The following SAMD8 variants were observed in gnomAD, a reference collection of about 807,000 sequenced individuals.
SAMD8 encodes sphingomyelin synthase-related protein 1.
A neutral mutation model predicts 42.0 loss-of-function variants in SAMD8; 20 were observed. The observed-to-expected ratio is 0.48, with a 90% confidence interval of 0.34 to 0.69. The LOEUF (loss-of-function observed/expected upper bound fraction) is 0.69. Among genes scored for constraint, SAMD8 ranks in the 30% least tolerant of loss-of-function variants. SAMD8 has a pLI of 0.01. For synonymous variants in SAMD8, 162 were observed against 173.0 expected (o/e 0.94, Z 0.50); for missense variants, 328 against 511.6 (o/e 0.64, Z 3.46).
chr10:75,129,091 C>T (rs1218861447), intron 1 of SAMD8, among the ~76,000 whole-genome samples: 3 of 150,684 alleles, frequency 2.0e-5, no homozygotes, highest in African/African-American at 7.3e-5. Flanking sequence ...TCTTCTAATT[C>T]TAAAGATATT....
At chr10:75,161,451 A>G (rs762001069) in intron 2 of SAMD8, among the ~76,000 whole-genome samples, 2 of 152,170 alleles carry the variant, frequency 1.3e-5, no homozygotes, top group Non-Finnish European at 2.9e-5. Context: ...GACAGAGCTC[A>G]GTCTATGCCC....
intron 3 of SAMD8, among the ~76,000 whole-genome samples, chr10:75,166,528 G>A (rs1840685027): frequency 6.6e-6 from 1 of 152,112 alleles, no homozygotes; most frequent in Non-Finnish European, 1.5e-5. Flanking sequence ...ACAGTGATGA[G>A]CTTTAGGTCC....
intron 1 of SAMD8, among the ~76,000 whole-genome samples, chr10:75,140,472 C>T (rs1839987228): frequency 6.6e-6 from 1 of 152,124 alleles, no homozygotes; most frequent in Admixed American, 6.5e-5. Context: ...ACCTGTAATC[C>T]CACCTAATCA....
chr10:75,129,342 G>C (rs1201784320), intron 1 of SAMD8, among the ~76,000 whole-genome samples: 1 of 152,100 alleles, frequency 6.6e-6, no homozygotes, highest in Non-Finnish European at 1.5e-5. Context: ...CCTGGTTCAA[G>C]TGATTCTCCT....
chr10:75,150,604 T>C lies in SAMD8; in HGVS notation c.76T>C (p.Phe26Leu). The C allele has an allele frequency of 6.2e-7, 1 of 1,614,154 alleles. No individual in the cohort carries two copies. Among genetic ancestry groups the C allele is most frequent in the Non-Finnish European group, 8.5e-7 (1 of 1,180,026 alleles). Residue 26 changes from phenylalanine (F) to leucine (L), a missense_variant, in exon 2 of 6, where the codon TTT becomes CTT. Physicochemically the swap from Phe to Leu is conservative, Grantham distance 22 (BLOSUM62 0). Transcript: ENST00000542569. ...HVAVWLKDEG[F>L]FEYVDILCNK... ...AGCTGTGTGGCTGAAGGATGAAGGC[T>C]TTTTTGAATATGTGGACATTTTATG...
At chr10:75,135,268 C>G (rs933552609) in intron 1 of SAMD8, among the ~76,000 whole-genome samples, 4 of 150,522 alleles carry the variant, frequency 2.7e-5, no homozygotes, top group African/African-American at 7.3e-5. Flanking sequence ...GCCTGACCAA[C>G]ATGGAGAAAC....
intron 1 of SAMD8, among the ~76,000 whole-genome samples, chr10:75,114,637 T>G (rs760908135): frequency 1.3e-5 from 2 of 152,182 alleles, no homozygotes; most frequent in Admixed American, 6.5e-5. Context: ...ATGAATAGTA[T>G]TATTATTGTT....
chr10:75,106,101 C>CTTTTTTTTTTTTTT (rs767630456), intron 1 of SAMD8, among the ~76,000 whole-genome samples: 7 of 123,008 alleles, frequency 5.7e-5, no homozygotes, highest in Non-Finnish European at 6.9e-5. Flanking sequence ...TCTTTCTTTT[C>CTTTTTTTTTTTTTT]TTTTTTTTTT....
In SAMD8 at chr10:75,121,753, G is replaced by A. The variant is rs150276709; in HGVS notation, c.-16+10031G>A. 3.4e-3 allele frequency among the ~76,000 whole-genome samples: 516 copies of A among 151,902 alleles called. 2 individuals are homozygous for A. Among genetic ancestry groups the A allele is most frequent in the African/African-American group, 0.012 (478 of 41,402 alleles). On this transcript the variant is annotated intron_variant, in intron 1 of 5. Coordinates refer to ENST00000542569, the MANE Select transcript of SAMD8 (RefSeq NM_001174156.2). The stretch of plus-strand genomic sequence containing the variant: ...GTCGCCCAGGCTGGAGTGCAGTGGT[G>A]CGATCTTGGCTCACTGCAACCTCTG...
chr10:75,120,020 A>G (rs1848968783), intron 1 of SAMD8, among the ~76,000 whole-genome samples: 1 of 152,164 alleles, frequency 6.6e-6, no homozygotes, highest in Admixed American at 6.5e-5. Context: ...GTGAGCCGAG[A>G]TTGTACCACT....
intron 2 of SAMD8, among the ~76,000 whole-genome samples, chr10:75,157,181 T>A (rs758553724): frequency 3.9e-5 from 6 of 152,068 alleles, no homozygotes; most frequent in Non-Finnish European, 8.8e-5. Context: ...TTAACTTTTT[T>A]TGTAGATCAG....
In SAMD8 at chr10:75,176,721, A is replaced by C; in HGVS notation, c.*29A>C. On this transcript the variant is annotated 3_prime_UTR_variant, in exon 6 of 6. Transcript: ENST00000542569. This position sits in a 1 kb window ranked among gnomAD's most constrained non-coding sequence, Gnocchi z 4.3. ...CTATCTTTCTAATGAATTTGTGATT[A>C]AATATATAATAGTTGTTGAAAATGA... 5 of 1,448,018 alleles carry C rather than the reference A, an allele frequency of 3.5e-6. No homozygotes were observed. The highest frequency in any genetic ancestry group is 1.4e-5 in the South Asian group (1 of 71,550). The allele number at this position is 1,448,018 out of a possible 1,614,324, so 89.7% of individuals were successfully genotyped here.
At chr10:75,117,961 G>T (rs1848923970) in intron 1 of SAMD8, among the ~76,000 whole-genome samples, 1 of 152,182 alleles carries the variant, frequency 6.6e-6, no homozygotes, top group African/African-American at 2.4e-5. Context: ...ATTGAGGGGA[G>T]ACAGTTCTGG....
At position 75,179,809 on chromosome 10, in the gene SAMD8, A is replaced by C. The variant is rs910313481; in HGVS notation, c.*3117A>C. 3 of 152,332 alleles carry C rather than the reference A, an allele frequency of 2.0e-5. No homozygotes were observed. Among genetic ancestry groups the C allele is most frequent in the African/African-American group, 2.4e-5 (1 of 41,570 alleles). The allele number at this position is 152,332 out of a possible 1,614,324, so 9.4% of individuals were successfully genotyped here. Reference sequence around the variant, plus strand: ...ATTTTATCTGTGAATGTGGCTAAGCAGAGAAGCTACATGGCTTTGGTCTAC... The same window carrying C: ...ATTTTATCTGTGAATGTGGCTAAGCCGAGAAGCTACATGGCTTTGGTCTAC... On this transcript the variant is annotated 3_prime_UTR_variant, in exon 6 of 6. Transcript: ENST00000542569.
At chr10:75,111,495 G>C (rs1445530471), upstream of SAMD8, 5 of 1,224,686 alleles carry the variant, frequency 4.1e-6, no homozygotes, top group African/African-American at 1.6e-5. Context: ...TCCCGAAGCA[G>C]TTCCGGTTCG....
chr10:75,114,523 A>G (rs940354163), intron 1 of SAMD8, among the ~76,000 whole-genome samples: 1 of 152,190 alleles, frequency 6.6e-6, no homozygotes, highest in African/African-American at 2.4e-5. Flanking sequence ...GATCCTCAAT[A>G]CTTCTTCAAA....
At chr10:75,166,217 T>TA (rs1385389799) in intron 3 of SAMD8, among the ~76,000 whole-genome samples, 2 of 151,874 alleles carry the variant, frequency 1.3e-5, no homozygotes, top group African/African-American at 2.4e-5. Context: ...ATTTTTTAAT[T>TA]AAAAAAAGGA....
At chr10:75,140,237 T>C (rs1839983202) in intron 1 of SAMD8, among the ~76,000 whole-genome samples, 1 of 152,190 alleles carries the variant, frequency 6.6e-6, no homozygotes, top group Non-Finnish European at 1.5e-5. Flanking sequence ...CCTGATTAGC[T>C]GGGACTACAG....
At chr10:75,162,945 AAC>A (rs1840593311) in intron 2 of SAMD8, among the ~76,000 whole-genome samples, 1 of 151,754 alleles carries the variant, frequency 6.6e-6, no homozygotes, top group Non-Finnish European at 1.5e-5. Flanking sequence ...TTTTTTTTGA[AAC>A]AGAGTCTCGC....
Sources: gnomAD v4.1 joint callset for allele counts (sites outside exome capture counted in the v4.1 genomes callset) on GRCh38, gnomAD v4.1.1 for gene constraint, Gnocchi (gnomAD v3.1) non-coding constraint, MANE v1.5 for transcripts, NCBI Gene and HGNC (gene_info 2026-07-23, HGNC 2026-07-21) for gene names.